The following MTHFD2L variants were observed in gnomAD, a reference collection of about 807,000 sequenced individuals.
The protein encoded by MTHFD2L is methylenetetrahydrofolate dehydrogenase (NADP+ dependent) 2 like, also known as bifunctional methylenetetrahydrofolate dehydrogenase/cyclohydrolase 2, mitochondrial.
Under a neutral mutation model 34.9 loss-of-function variants are expected in MTHFD2L, and 29 were observed. The ratio of observed to expected loss-of-function variants is 0.83; its 90% CI spans 0.62 to 1.13. MTHFD2L has a LOEUF of 1.13. MTHFD2L is among the 50% of genes most tolerant of loss of function. MTHFD2L has a pLI of 0.00. For missense variants in MTHFD2L, 481 were observed against 446.5 expected, an observed-to-expected ratio of 1.08 and a Z score of -0.70; for synonymous variants, 167 against 155.7, an observed-to-expected ratio of 1.07 and a Z score of -0.54.
chr4:74,163,969 G>A (rs1342339053), intron 1 of MTHFD2L, among the ~76,000 whole-genome samples: 7 of 152,096 alleles, frequency 4.6e-5, no homozygotes, highest in Admixed American at 2.0e-4. Flanking sequence ...TCTGCCTCCC[G>A]GGTTCATGCC....
chr4:74,259,384 G>C (rs1744413220), intron 6 of MTHFD2L, among the ~76,000 whole-genome samples: 1 of 152,106 alleles, frequency 6.6e-6, no homozygotes, highest in Non-Finnish European at 1.5e-5. Flanking sequence ...TGTTCCAGAA[G>C]ACAGAAGCTG....
intron 1 of MTHFD2L, among the ~76,000 whole-genome samples, chr4:74,132,133 T>C (rs1451849491): frequency 6.6e-6 from 1 of 152,140 alleles, no homozygotes; most frequent in African/African-American, 2.4e-5. Flanking sequence ...TGCTTTTATA[T>C]TGTTGGTGGG....
chr4:74,292,820 A>T (rs1216709097), intron 7 of MTHFD2L, among the ~76,000 whole-genome samples: 1 of 151,144 alleles, frequency 6.6e-6, no homozygotes, highest in African/African-American at 2.4e-5. Flanking sequence ...ACAGAAAGCA[A>T]TTTTTTTTTA....
chr4:74,136,239 C>CA (rs1419274795), intron 1 of MTHFD2L, among the ~76,000 whole-genome samples: 11 of 151,232 alleles, frequency 7.3e-5, no homozygotes, highest in East Asian at 3.9e-4. Flanking sequence ...AAGACTCTAC[C>CA]AAAAAAAACT....
At chr4:74,121,653 T>A (rs1721768020), upstream of MTHFD2L, among the ~76,000 whole-genome samples, 4 of 145,624 alleles carry the variant, frequency 2.7e-5, no homozygotes, top group South Asian at 8.4e-4. Context: ...TATATAATTA[T>A]ATATAATTAA....
chr4:74,132,811 C>T (rs561879686), intron 1 of MTHFD2L, among the ~76,000 whole-genome samples: 6 of 152,214 alleles, frequency 3.9e-5, no homozygotes, highest in Non-Finnish European at 7.4e-5. Context: ...TATATCAGTT[C>T]GCATATTTTA....
At chr4:74,154,797 G>A (rs1337946913), upstream of MTHFD2L, among the ~76,000 whole-genome samples, 5 of 152,052 alleles carry the variant, frequency 3.3e-5, no homozygotes, top group Admixed American at 6.6e-5. Context: ...TATTGCTTTC[G>A]GGTGTTGTTT....
At chr4:74,131,809 A>G (rs1287054933) in intron 1 of MTHFD2L, among the ~76,000 whole-genome samples, 1 of 152,112 alleles carries the variant, frequency 6.6e-6, no homozygotes, top group African/African-American at 2.4e-5. Context: ...CTATAGAATG[A>G]GAGAAAAATT....
intron 5 of MTHFD2L, among the ~76,000 whole-genome samples, chr4:74,215,111 C>A (rs898072401): frequency 6.6e-6 from 1 of 151,834 alleles, no homozygotes; most frequent in African/African-American, 2.4e-5. Flanking sequence ...GTGAGAATTT[C>A]AAGCTAGTGG....
intron 5 of MTHFD2L, among the ~76,000 whole-genome samples, chr4:74,208,395 A>G (rs540513155): frequency 2.0e-5 from 3 of 152,218 alleles, no homozygotes; most frequent in Non-Finnish European, 2.9e-5. Context: ...GAAATTATAC[A>G]TTATTATCAG....
chr4:74,170,782 G>A (rs1350450363), intron 1 of MTHFD2L, among the ~76,000 whole-genome samples: 1 of 151,812 alleles, frequency 6.6e-6, no homozygotes, highest in Admixed American at 6.6e-5. Flanking sequence ...TATACACCAT[G>A]GGCTACTATG....
At chr4:74,236,604 T>C (rs1266602891) in intron 6 of MTHFD2L, among the ~76,000 whole-genome samples, 1 of 152,258 alleles carries the variant, frequency 6.6e-6, no homozygotes, top group African/African-American at 2.4e-5. Flanking sequence ...CTAGTATGGA[T>C]TGAAAGCTTT....
At chr4:74,175,972 A>G (rs919327530) in intron 3 of MTHFD2L, among the ~76,000 whole-genome samples, 2 of 151,994 alleles carry the variant, frequency 1.3e-5, no homozygotes, top group Admixed American at 1.3e-4. Flanking sequence ...TGTCTTGGTG[A>G]ATTGAACTGT....
Position 74,226,698 on chromosome 4 carries a change from A to G in MTHFD2L, c.805+1304A>G, listed in dbSNP as rs551745533. On this transcript the variant is annotated intron_variant, in intron 6 of 7. Coordinates refer to ENST00000325278, the MANE Select transcript of MTHFD2L (RefSeq NM_001144978.3). Reference sequence around the variant, plus strand: ...TAGTACTAAATTCATTCAATTGAATACTAAATTCATTCAATTGAATATTAT... The same window carrying G: ...TAGTACTAAATTCATTCAATTGAATGCTAAATTCATTCAATTGAATATTAT... Among the ~76,000 whole-genome samples the G allele has an allele frequency of 3.9e-5, 6 of 152,308 alleles. No individual in the cohort carries two copies. In the South Asian group the frequency reaches 1.2e-3, roughly 32 times the overall value.
At chr4:74,300,503 A>G (rs1031645245) in intron 7 of MTHFD2L, among the ~76,000 whole-genome samples, 12 of 152,078 alleles carry the variant, frequency 7.9e-5, no homozygotes, top group African/African-American at 2.7e-4. Context: ...AAAAGGCAAT[A>G]CATCTAAATA....
At chr4:74,214,958 G>A (rs572212782) in intron 5 of MTHFD2L, among the ~76,000 whole-genome samples, 6 of 151,600 alleles carry the variant, frequency 4.0e-5, no homozygotes, top group East Asian at 1.9e-4. Flanking sequence ...TGTTGGCTCC[G>A]CCTCCTTCAA....
At chr4:74,234,012 G>C (rs1467125796) in intron 6 of MTHFD2L, among the ~76,000 whole-genome samples, 1 of 151,936 alleles carries the variant, frequency 6.6e-6, no homozygotes, top group Non-Finnish European at 1.5e-5. Flanking sequence ...CTTCAGTAAA[G>C]AACAATTTAT....
chr4:74,290,617 C>G (rs1174610713), intron 7 of MTHFD2L, among the ~76,000 whole-genome samples: 1 of 151,906 alleles, frequency 6.6e-6, no homozygotes, highest in Admixed American at 6.6e-5. Context: ...GGTGAATTGC[C>G]AAGCATAATG....
chr4:74,152,265 T>C (rs1723986489), intron 1 of MTHFD2L, among the ~76,000 whole-genome samples: 1 of 152,112 alleles, frequency 6.6e-6, no homozygotes, highest in African/African-American at 2.4e-5. Flanking sequence ...GTATGACTTA[T>C]CATATTTTGA....
Sources: gnomAD v4.1 joint callset for allele counts (sites outside exome capture counted in the v4.1 genomes callset) on GRCh38, gnomAD v4.1.1 for gene constraint, MANE v1.5 for transcripts, NCBI Gene and HGNC (gene_info 2026-07-23, HGNC 2026-07-21) for gene names.